The following XAB2 variants were observed in gnomAD, a reference collection of about 807,000 sequenced individuals.
The protein encoded by XAB2 is XPA binding protein 2, also known as pre-mRNA-splicing factor SYF1.
In XAB2, 57 loss-of-function variants were observed where a neutral mutation model predicts 113.4. The ratio of observed to expected loss-of-function variants is 0.50; its 90% confidence interval spans 0.41 to 0.63. XAB2 has a LOEUF of 0.63. Ranked by LOEUF, XAB2 falls within the 20% of genes least tolerant of loss-of-function variation. The pLI is 0.00. For synonymous variants in XAB2, 497 were observed against 498.8 expected, an observed-to-expected ratio of 1.00 and a Z score of 0.05; for missense variants, 1,037 against 1,233.3, an observed-to-expected ratio of 0.84 and a Z score of 2.38.
intron 16 of XAB2, 75 bp downstream of exon 16, chr19:7,620,200 C>T: frequency 6.2e-7 from 1 of 1,602,314 alleles, no homozygotes; most frequent in African/African-American, 1.3e-5. Context: ...TCCGAGGCTC[C>T]CAGACCCGGA....
intron 4 of XAB2, among the ~76,000 whole-genome samples, chr19:7,626,867 T>A (rs1027204246): frequency 7.2e-5 from 11 of 152,298 alleles, no homozygotes; most frequent in Admixed American, 1.3e-4. Context: ...CCCGCCCGGC[T>A]GGTGCTTCCA....
rs748385402 is a variant in XAB2, at chr19:7,623,244, T to C, written c.1165A>G (p.Lys389Glu). ...AGAGTGTGGGGCTTGCCTGTGGCCT[T>C]GAAGGGGTCCACCGTCTGCACAGCC... is the stretch of plus-strand genomic sequence containing the variant. ...TEAVQTVDPF[K>E]ATGKPHTLWV... Residue 389 changes from lysine (K) to glutamate (E), a missense_variant, in exon 9 of 19, where the codon AAG (lysine) becomes GAG (glutamate). By Grantham distance (56) the Lys-to-Glu change is moderately conservative (BLOSUM62 1). Coordinates refer to ENST00000358368, the MANE Select transcript of XAB2 (RefSeq NM_020196.3). This position sits in a 1 kb window ranked among gnomAD's most constrained non-coding sequence, Gnocchi z 4.6. The C allele has an allele frequency of 5.0e-6, 8 of 1,613,688 alleles. No homozygotes were observed. Among genetic ancestry groups the C allele is most frequent in the Middle Eastern group, 1.6e-4 (1 of 6,084 alleles).
rs1447070114 is a variant in XAB2 at position 7,625,406 on chromosome 19, A to G, written c.822+474T>C. 1.3e-5 allele frequency among the ~76,000 whole-genome samples: 2 copies of G among 150,446 alleles called. No individual in the cohort carries two copies. Among genetic ancestry groups the G allele is most frequent in the Non-Finnish European group, 2.9e-5 (2 of 67,798 alleles). On this transcript the variant is annotated intron_variant, in intron 6 of 18. Coordinates refer to ENST00000358368, the MANE Select transcript of XAB2 (RefSeq NM_020196.3). The surrounding 1 kb of genome is among the most constrained non-coding windows in gnomAD (Gnocchi z 5.2). Reference sequence around the variant, plus strand: ...CAAGGCTGACGTGCCTGCGGGCAGGAGTGCTCCCCCACCCTCAGCAGGATA... The same window carrying G: ...CAAGGCTGACGTGCCTGCGGGCAGGGGTGCTCCCCCACCCTCAGCAGGATA...
Position 7,623,016 on chromosome 19 carries a change from G to A in XAB2, c.1240-123C>T. On this transcript the variant is annotated intron_variant, in intron 9 of 18. Transcript: ENST00000358368. This position sits in a 1 kb window ranked among gnomAD's most constrained non-coding sequence, Gnocchi z 4.6. ...CACAAACACACAGGCACACACACAG[G>A]CACACACATGCGTGCACATATGCAT... The A allele has an allele frequency of 6.5e-7, 1 of 1,539,190 alleles. No homozygotes were observed. Among genetic ancestry groups the A allele is most frequent in the Non-Finnish European group, 8.7e-7 (1 of 1,143,348 alleles).
In XAB2 at chr19:7,623,029, T is replaced by A; in HGVS notation, c.1240-136A>T. On this transcript the variant is annotated intron_variant, in intron 9 of 18. Coordinates refer to ENST00000358368, the MANE Select transcript of XAB2 (RefSeq NM_020196.3). The surrounding 1 kb of genome is among the most constrained non-coding windows in gnomAD (Gnocchi z 4.6). ...GCACACACACAGGCACACACATGCG[T>A]GCACATATGCATGCACCCAAATGCA... 1 of 1,539,864 alleles carries A rather than the reference T, an allele frequency of 6.5e-7. No homozygotes were observed. The highest frequency in any genetic ancestry group is 8.7e-7 in the Non-Finnish European group (1 of 1,143,932).
rs539288408 is a variant in XAB2 at position 7,625,539 on chromosome 19, C to T, written c.822+341G>A. ...TGCCACCCAGGCTGGACTTCCGTGG[C>T]GCGATCGCAGCTCACGGCAACCTCC... is the stretch of plus-strand genomic sequence containing the variant. On this transcript the variant is annotated intron_variant, in intron 6 of 18. Transcript: ENST00000358368. This position sits in a 1 kb window ranked among gnomAD's most constrained non-coding sequence, Gnocchi z 5.2. 6.9e-6 allele frequency among the ~76,000 whole-genome samples: 1 copy of T among 144,312 alleles called. No homozygotes were observed. Among genetic ancestry groups the T allele is most frequent in the Non-Finnish European group, 1.5e-5 (1 of 67,162 alleles). 94.7% of individuals were successfully genotyped at this position (144,312 alleles called of 152,430 possible).
chr19:7,623,147 G>A lies in XAB2; in HGVS notation c.1239+23C>T, dbSNP rs559763220. The A allele has an allele frequency of 6.2e-7, 1 of 1,611,728 alleles. No individual in the cohort carries two copies. The highest frequency in any genetic ancestry group is 8.5e-7 in the Non-Finnish European group (1 of 1,179,058). Reference sequence around the variant, plus strand: ...GCACACACACATGCATGAACACACAGGCACACGCAACAGGGTGCTCACATC... The same window carrying A: ...GCACACACACATGCATGAACACACAAGCACACGCAACAGGGTGCTCACATC... On this transcript the variant is annotated intron_variant, in intron 9 of 18. Transcript: ENST00000358368. The surrounding 1 kb of genome is among the most constrained non-coding windows in gnomAD (Gnocchi z 4.6).
Position 7,620,989 on chromosome 19 carries a change from G to A in XAB2, c.1828C>T (p.Arg610Trp), listed in dbSNP as rs1318993253. The A allele has an allele frequency of 3.8e-6, 6 of 1,568,092 alleles. No homozygotes were observed. Among genetic ancestry groups the A allele is most frequent in the East Asian group, 2.3e-5 (1 of 42,990 alleles). ...AQLEEEWGLA[R>W]HAMAVYERAT... The stretch of plus-strand genomic sequence containing the variant: ...CGCTCGTACACGGCCATGGCATGCC[G>A]GGCCAGGCCCCACTCCTCCTCCAGC... Residue 610 changes from arginine to tryptophan, a missense_variant, in exon 14 of 19, where the codon CGG (arginine) becomes TGG (tryptophan). Physicochemically the swap from Arg to Trp is moderately radical, Grantham distance 101. Coordinates refer to ENST00000358368, the MANE Select transcript of XAB2 (RefSeq NM_020196.3).
rs1030864271 is a variant in XAB2, at chr19:7,623,101, CAT to C, written c.1239+67_1239+68del. The C allele has an allele frequency of 1.8e-5, 28 of 1,594,034 alleles. 1 individual carries two copies. In the Middle Eastern group the frequency reaches 5.0e-4, roughly 28 times the overall value. On this transcript the variant is annotated intron_variant, in intron 9 of 18. Transcript: ENST00000358368. The surrounding 1 kb of genome is among the most constrained non-coding windows in gnomAD (Gnocchi z 4.6). ...ATCCATGCACAAATATGTACACACACATACATGCACACATATACAAGCACACA... is the reference window on the plus strand; with the variant it reads ...ATCCATGCACAAATATGTACACACACACATGCACACATATACAAGCACACA...
Position 7,624,263 on chromosome 19 carries a change from A to C in XAB2, c.967+38T>G, listed in dbSNP as rs2031094054. 1 of 1,608,620 alleles carries C rather than the reference A, an allele frequency of 6.2e-7. No homozygotes were observed. The highest frequency in any genetic ancestry group is 1.3e-5 in the African/African-American group (1 of 74,882). On this transcript the variant is annotated intron_variant, in intron 7 of 18. Transcript: ENST00000358368. The surrounding 1 kb of genome is among the most constrained non-coding windows in gnomAD (Gnocchi z 4.2). ...CCGCCCCTACCGCTAATGTCCACTC[A>C]GCTCTCTCCCCACCAGCCGGGGCCC...
Position 7,620,574 on chromosome 19 carries a change from G to A in XAB2, c.2067C>T (p.Ser689=), listed in dbSNP as rs775949931. The change falls in exon 15 of 19, where the codon AGC becomes AGT. Residue 689 remains serine (S), a synonymous_variant. Coordinates refer to ENST00000358368, the MANE Select transcript of XAB2 (RefSeq NM_020196.3). The stretch of plus-strand genomic sequence containing the variant: ...GGGGGTCACAGATCTGGGAGCAGAA[G>A]CTGTAGATGGCCCGGGCGCGGTCAA... ...GEIDRARAIY[S]FCSQICDPRT... The A allele has an allele frequency of 8.1e-6, 13 of 1,613,316 alleles. No individual in the cohort carries two copies.
In XAB2 at chr19:7,624,268, T is replaced by C. The variant is rs750707130; in HGVS notation, c.967+33A>G. Reference sequence around the variant, plus strand: ...CCTACCGCTAATGTCCACTCAGCTCTCTCCCCACCAGCCGGGGCCCCCAGA... The same window carrying C: ...CCTACCGCTAATGTCCACTCAGCTCCCTCCCCACCAGCCGGGGCCCCCAGA... On this transcript the variant is annotated intron_variant, in intron 7 of 18. Transcript: ENST00000358368. This position sits in a 1 kb window ranked among gnomAD's most constrained non-coding sequence, Gnocchi z 4.2. The C allele has an allele frequency of 1.2e-6, 2 of 1,609,612 alleles. No individual in the cohort carries two copies. Among genetic ancestry groups the C allele is most frequent in the Non-Finnish European group, 1.7e-6 (2 of 1,179,884 alleles).
At position 7,625,849 on chromosome 19, in the gene XAB2, C is replaced by T. The variant is rs377354593; in HGVS notation, c.822+31G>A. Reference sequence around the variant, plus strand: ...CGAGTGTCGGAGGGAGACCCCGCCCCGAACCCAGAGCCCCGTGTGCCAGCA... The same window carrying T: ...CGAGTGTCGGAGGGAGACCCCGCCCTGAACCCAGAGCCCCGTGTGCCAGCA... On this transcript the variant is annotated intron_variant, in intron 6 of 18. Coordinates refer to ENST00000358368, the MANE Select transcript of XAB2 (RefSeq NM_020196.3). This position sits in a 1 kb window ranked among gnomAD's most constrained non-coding sequence, Gnocchi z 5.2. 4.1e-5 allele frequency: 64 copies of T among 1,573,206 alleles called. 1 individual carries two copies. In the African/African-American group the frequency reaches 4.7e-4, roughly 12 times the overall value.
At position 7,628,216 on chromosome 19, in the gene XAB2, T is replaced by C. The variant is rs184316253; in HGVS notation, c.134A>G (p.Lys45Arg). Residue 45 changes from lysine to arginine, a missense_variant, in exon 2 of 19, where the codon AAA becomes AGA. Coordinates refer to ENST00000358368, the MANE Select transcript of XAB2 (RefSeq NM_020196.3). This position sits in a 1 kb window ranked among gnomAD's most constrained non-coding sequence, Gnocchi z 4.6. ...VKCWLRYIEFKQGAPKPRLNQ... is the reference protein window; with the variant it reads ...VKCWLRYIEFRQGAPKPRLNQ... ...GAGCCTGGGCTTCGGGGCGCCCTGT[T>C]TGAACTCGATGTAGCGAAGCCAGCA... 1.2e-6 allele frequency: 2 copies of C among 1,614,116 alleles called. No homozygotes were observed. Among genetic ancestry groups the C allele is most frequent in the East Asian group, 4.5e-5 (2 of 44,882 alleles).
At chr19:7,626,932 T>C (rs185506181) in intron 4 of XAB2, among the ~76,000 whole-genome samples, 2 of 152,332 alleles carry the variant, frequency 1.3e-5, no homozygotes, top group Admixed American at 6.5e-5. Context: ...TTCATGGCTG[T>C]GGTTTTACTC....
rs947990566 is a variant in XAB2 at position 7,628,058 on chromosome 19, C to CACCCGGG, written c.200+85_200+91dup. The CACCCGGG allele has an allele frequency of 5.3e-6, 8 of 1,517,898 alleles. No individual in the cohort carries two copies. Among genetic ancestry groups the CACCCGGG allele is most frequent in the African/African-American group, 1.4e-5 (1 of 72,872 alleles). The allele number at this position is 1,517,898 out of a possible 1,614,324, so 94.0% of individuals were successfully genotyped here. On this transcript the variant is annotated intron_variant, in intron 2 of 18. Transcript: ENST00000358368. This position sits in a 1 kb window ranked among gnomAD's most constrained non-coding sequence, Gnocchi z 4.6. Reference sequence around the variant, plus strand: ...GGTCAGTGATGAAACACGAAGCAATCACCCGGGACCCGGGACCCACTTGGC... The same window carrying CACCCGGG: ...GGTCAGTGATGAAACACGAAGCAATCACCCGGGACCCGGGACCCGGGACCCACTTGGC...
At position 7,628,311 on chromosome 19, in the gene XAB2, G is replaced by A. The variant is rs2031186431; in HGVS notation, c.52-13C>T. The A allele has an allele frequency of 1.2e-6, 2 of 1,613,826 alleles. No homozygotes were observed. Among genetic ancestry groups the A allele is most frequent in the East Asian group, 4.5e-5 (2 of 44,874 alleles). On this transcript the variant is annotated splice_polypyrimidine_tract_variant and intron_variant, in intron 1 of 18. Coordinates refer to ENST00000358368, the MANE Select transcript of XAB2 (RefSeq NM_020196.3). The surrounding 1 kb of genome is among the most constrained non-coding windows in gnomAD (Gnocchi z 4.6). ...GGTCCTCTTCCTCCTGCCAGGGCCA[G>A]GGAATGGGAAGAAGAGAGGCCTACC... is the stretch of plus-strand genomic sequence containing the variant.
rs987929540 is a variant in XAB2, at chr19:7,628,779, C to T, written c.52-481G>A. On this transcript the variant is annotated intron_variant, in intron 1 of 18. Transcript: ENST00000358368. The surrounding 1 kb of genome is among the most constrained non-coding windows in gnomAD (Gnocchi z 4.6). ...GATGACCAGATCTTTACCCCAGCCA[C>T]CAGGGCTCTCAGGTCCAGATTCCAA... is the stretch of plus-strand genomic sequence containing the variant. 3.3e-5 allele frequency among the ~76,000 whole-genome samples: 5 copies of T among 152,182 alleles called. No individual in the cohort carries two copies. Among genetic ancestry groups the T allele is most frequent in the African/African-American group, 1.2e-4 (5 of 41,436 alleles).
Position 7,627,912 on chromosome 19 carries a change from T to A in XAB2, c.201-61A>T. 1 of 1,579,926 alleles carries A rather than the reference T, an allele frequency of 6.3e-7. No individual in the cohort carries two copies. The highest frequency in any genetic ancestry group is 8.6e-7 in the Non-Finnish European group (1 of 1,158,162). On this transcript the variant is annotated intron_variant, in intron 2 of 18. Transcript: ENST00000358368. The surrounding 1 kb of genome is among the most constrained non-coding windows in gnomAD (Gnocchi z 4.5). The stretch of plus-strand genomic sequence containing the variant: ...GCTTTATGGACACCCCCAGAACCAT[T>A]TGCCCTGCCCCAGTTGGCAAATGTG...
Sources: allele counts gnomAD v4.1 joint callset (sites outside exome capture counted in the v4.1 genomes callset), GRCh38; gene constraint gnomAD v4.1.1; non-coding constraint Gnocchi (gnomAD v3.1); transcripts MANE v1.5; gene names NCBI Gene and HGNC (gene_info 2026-07-23, HGNC 2026-07-21).